The following DAPK1 variants were observed in gnomAD, a reference collection of about 807,000 sequenced individuals.
DAPK1 encodes death associated protein kinase 1.
DAPK1 carries 56 observed loss-of-function variants against 144.9 expected under a neutral mutation model. The ratio of observed to expected loss-of-function variants is 0.39; its 90% confidence interval spans 0.31 to 0.48. DAPK1 has a LOEUF of 0.48. DAPK1 is among the 20% of genes least tolerant of loss of function. DAPK1 has a pLI of 0.95. For synonymous variants in DAPK1, 690 were observed against 749.0 expected, an observed-to-expected ratio of 0.92 and a Z score of 1.29; for missense variants, 1,454 against 1,875.4, an observed-to-expected ratio of 0.78 and a Z score of 4.15.
At chr9:87,700,837 T>A (rs1264319706) in intron 24 of DAPK1, among the ~76,000 whole-genome samples, 1 of 152,200 alleles carries the variant, frequency 6.6e-6, no homozygotes, top group Non-Finnish European at 1.5e-5. Flanking sequence ...AAAAGTGACT[T>A]ATTGTGGAAT....
At chr9:87,519,460 C>T (rs1020308574) in intron 2 of DAPK1, among the ~76,000 whole-genome samples, 1 of 152,182 alleles carries the variant, frequency 6.6e-6, no homozygotes, top group African/African-American at 2.4e-5. Flanking sequence ...CCTATGATTT[C>T]TGGGAGAGTA....
intron 3 of DAPK1, among the ~76,000 whole-genome samples, chr9:87,626,666 A>G (rs1279993342): frequency 6.6e-6 from 1 of 152,166 alleles, no homozygotes; most frequent in African/African-American, 2.4e-5. Context: ...GATAGTGAAA[A>G]TTTGGAATGG....
At chr9:87,604,924 G>A in intron 2 of DAPK1, 30 bp from the exon 3 acceptor site, 1 of 1,600,780 alleles carries the variant, frequency 6.2e-7, no homozygotes, top group Non-Finnish European at 8.6e-7. Context: ...TTTTATGAAC[G>A]ATAAAGAATC....
intron 2 of DAPK1, among the ~76,000 whole-genome samples, chr9:87,534,277 C>G (rs953380188): frequency 1.4e-5 from 2 of 143,516 alleles, no homozygotes; most frequent in Admixed American, 7.1e-5. Flanking sequence ...TTTAACGCTG[C>G]CATGCTGTTC....
rs1254332470 is a variant in DAPK1, at chr9:87,706,755, A to G, written c.3684A>G (p.Pro1228=). ...AGAACGTCATGGCCACCACGCTGCC[A>G]GGGCTCCTGACCGTGAAGCATTACC... The part of the protein sequence containing the change: ...TIENVMATTL[P]GLLTVKHYLS... The change falls in exon 26 of 26, where the codon CCA becomes CCG. Residue 1228 remains proline (P), a synonymous_variant. Transcript: ENST00000408954. This position sits in a 1 kb window ranked among gnomAD's most constrained non-coding sequence, Gnocchi z 9.0. 3 of 1,613,394 alleles carry G rather than the reference A, an allele frequency of 1.9e-6. No homozygotes were observed. The highest frequency in any genetic ancestry group is 2.2e-5 in the South Asian group (2 of 91,078).
chr9:87,581,500 A>G (rs1024947481), intron 2 of DAPK1, among the ~76,000 whole-genome samples: 3 of 152,180 alleles, frequency 2.0e-5, no homozygotes, highest in African/African-American at 4.8e-5. Context: ...TTGCATACTT[A>G]TCATGACCAA....
intron 19 of DAPK1, 157 bp downstream of exon 19, chr9:87,668,831 T>A (rs1429929741): frequency 1.6e-6 from 1 of 641,110 alleles, no homozygotes; most frequent in Non-Finnish European, 2.8e-6. Flanking sequence ...TCAGTCGGTA[T>A]AAATGCATCA....
intron 9 of DAPK1, among the ~76,000 whole-genome samples, chr9:87,641,689 TATTGCCATTCCCAAACTATC>T (rs2119138720): frequency 6.6e-6 from 1 of 152,282 alleles, no homozygotes; most frequent in African/African-American, 2.4e-5. Flanking sequence ...TCACCATGAA[TATTGCCATTCCCAAACTATC>T]AGTGTGGAAA....
At chr9:87,633,048 GTATA>G (rs1471094191) in intron 3 of DAPK1, 27 of 978,696 alleles carry the variant, frequency 2.8e-5, no homozygotes, top group African/African-American at 3.5e-5. Context: ...AGGAGGATGA[GTATA>G]TATGTAAGAT....
intron 2 of DAPK1, among the ~76,000 whole-genome samples, chr9:87,576,908 T>C (rs575046118): frequency 8.5e-5 from 13 of 152,254 alleles, no homozygotes; most frequent in African/African-American, 3.1e-4. Context: ...AGTGCCCTCC[T>C]TATAGCACTG....
intron 3 of DAPK1, among the ~76,000 whole-genome samples, chr9:87,631,424 T>C (rs910372495): frequency 2.6e-5 from 4 of 152,170 alleles, no homozygotes; most frequent in African/African-American, 9.7e-5. Flanking sequence ...TTAGGGAGGC[T>C]TTGGTGGTAG....
intron 2 of DAPK1, among the ~76,000 whole-genome samples, chr9:87,583,338 A>G (rs1396498042): frequency 6.6e-6 from 1 of 152,178 alleles, no homozygotes; most frequent in South Asian, 2.1e-4. Flanking sequence ...GAATGCAGGT[A>G]GAGACTCCAG....
chr9:87,695,168 C>T (rs1157322436), intron 21 of DAPK1, among the ~76,000 whole-genome samples: 2 of 152,234 alleles, frequency 1.3e-5, no homozygotes, highest in Non-Finnish European at 2.9e-5. Context: ...CAACCCACCT[C>T]AGGACCCCAC....
intron 2 of DAPK1, among the ~76,000 whole-genome samples, chr9:87,555,170 G>T: frequency 6.6e-6 from 1 of 152,186 alleles, no homozygotes; most frequent in Admixed American, 6.5e-5. Context: ...TGTCAGCAAA[G>T]GAAGTTCCTT....
Position 87,681,575 on chromosome 9 carries a change from T to A in DAPK1, c.2173T>A (p.Ser725Thr), listed in dbSNP as rs779594791. The A allele has an allele frequency of 6.2e-7, 1 of 1,612,032 alleles. No individual in the cohort carries two copies. Among genetic ancestry groups the A allele is most frequent in the Non-Finnish European group, 8.5e-7 (1 of 1,178,094 alleles). Residue 725 changes from serine to threonine, a missense_variant, in exon 20 of 26, where the codon TCC (serine) becomes ACC (threonine). Physicochemically the swap from Ser to Thr is moderately conservative, Grantham distance 58. This residue lies in a region of DAPK1 where 1,025 missense variants were observed against 1,237.9 expected (regional missense o/e 0.83). Transcript: ENST00000408954. The part of the protein sequence containing the change: ...FFRRRRPRLS[S>T]TNSSRFPPSP... ...CAGAAGGCGTCGGCCCAGACTGTCTTCCACCAACTCCAGCAGGTTCCCACC... is the reference window on the plus strand; with the variant it reads ...CAGAAGGCGTCGGCCCAGACTGTCTACCACCAACTCCAGCAGGTTCCCACC...
At chr9:87,528,699 A>G (rs1016674782) in intron 2 of DAPK1, among the ~76,000 whole-genome samples, 2 of 151,784 alleles carry the variant, frequency 1.3e-5, no homozygotes, top group Admixed American at 6.6e-5. Context: ...GTGGAACCCC[A>G]TGTCTACTAA....
At chr9:87,550,027 G>A (rs186338998) in intron 2 of DAPK1, among the ~76,000 whole-genome samples, 10 of 152,234 alleles carry the variant, frequency 6.6e-5, no homozygotes, top group Admixed American at 2.0e-4. Context: ...TTTCTGTGTC[G>A]GGTAAAGTTT....
chr9:87,552,257 A>G (rs573714343), intron 2 of DAPK1, among the ~76,000 whole-genome samples: 39 of 152,100 alleles, frequency 2.6e-4, no homozygotes, highest in Non-Finnish European at 5.1e-4. Context: ...GTCTGCCTAG[A>G]TCATTACAGC....
At position 87,686,726 on chromosome 9, in the gene DAPK1, C is replaced by T. The variant is rs775597816; in HGVS notation, c.2400C>T (p.Asn800=). The change falls in exon 21 of 26, where the codon AAC becomes AAT. Residue 800 remains asparagine (N), a synonymous_variant. Transcript: ENST00000408954. This position sits in a 1 kb window ranked among gnomAD's most constrained non-coding sequence, Gnocchi z 4.2. ...DQSTKAIDIQ[N]AYLNGVGDFS... is the part of the protein sequence containing the mutation. ...CCACCAAGGCCATCGACATCCAGAACGCTTATTTGAATGGTATGCCCTGCC... is the reference window on the plus strand; with the variant it reads ...CCACCAAGGCCATCGACATCCAGAATGCTTATTTGAATGGTATGCCCTGCC... 61 of 1,611,688 alleles carry T rather than the reference C, an allele frequency of 3.8e-5. No homozygotes were observed. The highest frequency in any genetic ancestry group is 3.3e-4 in the Middle Eastern group (2 of 6,058).
Sources: gnomAD v4.1 joint callset for allele counts (sites outside exome capture counted in the v4.1 genomes callset) on GRCh38, gnomAD v4.1.1 for gene constraint, gnomAD v4.1.1 regional missense constraint, Gnocchi (gnomAD v3.1) non-coding constraint, MANE v1.5 for transcripts, NCBI Gene and HGNC (gene_info 2026-07-23, HGNC 2026-07-21) for gene names.